Variants in RANBP2 observed in about 807,000 individuals in gnomAD.
RANBP2 encodes E3 SUMO-protein ligase RanBP2.
RANBP2 carries 57 observed loss-of-function variants against 303.6 expected under a neutral mutation model. That is an observed-to-expected ratio of 0.19 (90% CI 0.15 to 0.23). The LOEUF is 0.23. Among genes scored for constraint, RANBP2 ranks in the 10% least tolerant of loss-of-function variants. The probability of loss-of-function intolerance (pLI) is 1.00; values close to 1 mark genes in which losing one functional copy is unlikely to be tolerated. For missense variants in RANBP2, 3,138 were observed against 3,780.8 expected (o/e 0.83, Z 4.46); for synonymous variants, 1,167 against 1,301.5 (o/e 0.90, Z 2.23).
At chr2:109,424,910 G>A in the RANBP2 span, among the ~76,000 whole-genome samples, 1 of 152,204 alleles carries the variant, frequency 6.6e-6, no homozygotes, top group South Asian at 2.1e-4. Context: ...AGTTAGAAAT[G>A]ATTAAGCTTG....
At chr2:109,096,687 T>C in the RANBP2 span, among the ~76,000 whole-genome samples, 16 of 152,186 alleles carry the variant, frequency 1.1e-4, no homozygotes, top group African/African-American at 3.4e-4. Context: ...ACTGAACTAA[T>C]AGAAAATTGA....
At chr2:109,650,767 C>T in the RANBP2 span, among the ~76,000 whole-genome samples, 1 of 152,300 alleles carries the variant, frequency 6.6e-6, no homozygotes, top group East Asian at 1.9e-4. Flanking sequence ...TGCCACCATG[C>T]TAAACGTGCC....
chr2:109,725,123 G>A, the RANBP2 span, among the ~76,000 whole-genome samples: 1 of 152,238 alleles, frequency 6.6e-6, no homozygotes, highest in African/African-American at 2.4e-5. Context: ...TGCAGTGACA[G>A]AACAGACCAA....
At chr2:108,891,953 C>T in the RANBP2 span, among the ~76,000 whole-genome samples, 1 of 152,240 alleles carries the variant, frequency 6.6e-6, no homozygotes, top group Admixed American at 6.5e-5. Flanking sequence ...TTGAATTGCA[C>T]AGTTCCCAGG....
chr2:109,123,038 T>C, the RANBP2 span, among the ~76,000 whole-genome samples: 1 of 152,214 alleles, frequency 6.6e-6, no homozygotes, highest in East Asian at 1.9e-4. Flanking sequence ...CTTGAACTCA[T>C]GCCTGGTGGA....
the RANBP2 span, among the ~76,000 whole-genome samples, chr2:109,441,132 CAAA>C: frequency 1.5e-5 from 2 of 134,034 alleles, no homozygotes; most frequent in South Asian, 2.4e-4. Context: ...TATAGGAATA[CAAA>C]AAAAAAAAAA....
At chr2:108,865,029 CT>C in the RANBP2 span, among the ~76,000 whole-genome samples, 3 of 152,036 alleles carry the variant, frequency 2.0e-5, no homozygotes, top group African/African-American at 7.2e-5. Context: ...AAAAGTCTGC[CT>C]TCAGTTACTG....
At chr2:109,736,142 G>A in the RANBP2 span, among the ~76,000 whole-genome samples, 1 of 152,226 alleles carries the variant, frequency 6.6e-6, no homozygotes, top group Non-Finnish European at 1.5e-5. Context: ...AATTTCGGAA[G>A]GGCACCACAA....
the RANBP2 span, among the ~76,000 whole-genome samples, chr2:109,033,724 G>A: frequency 5.3e-4 from 81 of 151,772 alleles, no homozygotes; most frequent in African/African-American, 1.9e-3. Flanking sequence ...AGGCTGAGGC[G>A]GGTGGATCAT....
the RANBP2 span, among the ~76,000 whole-genome samples, chr2:109,089,568 C>A: frequency 6.6e-6 from 1 of 152,052 alleles, no homozygotes; most frequent in African/African-American, 2.4e-5. Context: ...ATGGCACTAC[C>A]GCACTCCAGC....
At chr2:109,692,696 A>G in the RANBP2 span, among the ~76,000 whole-genome samples, 1 of 152,184 alleles carries the variant, frequency 6.6e-6, no homozygotes, top group Non-Finnish European at 1.5e-5. Flanking sequence ...GTTTCCCAAG[A>G]AGCAGCTAAG....
chr2:109,170,285 T>TCC, the RANBP2 span, among the ~76,000 whole-genome samples: 1 of 127,010 alleles, frequency 7.9e-6, no homozygotes, highest in Non-Finnish European at 1.7e-5. Flanking sequence ...TTCTCTTCTC[T>TCC]TCTCTTCTCT....
At chr2:109,716,758 A>G in the RANBP2 span, among the ~76,000 whole-genome samples, 8 of 152,058 alleles carry the variant, frequency 5.3e-5, 1 homozygote, top group Admixed American at 3.9e-4. Context: ...TATGTTGCCT[A>G]GGCTGATGTC....
At chr2:109,214,474 A>C in the RANBP2 span, among the ~76,000 whole-genome samples, 2 of 119,906 alleles carry the variant, frequency 1.7e-5, no homozygotes, top group Non-Finnish European at 3.6e-5. Flanking sequence ...TAGAAAAGAG[A>C]AAAAAAAAAA....
chr2:109,245,991 A>C, the RANBP2 span, among the ~76,000 whole-genome samples: 1 of 152,212 alleles, frequency 6.6e-6, no homozygotes, highest in African/African-American at 2.4e-5. Flanking sequence ...TTCACAAAAA[A>C]CCAGTGTGGT....
intron 24 of RANBP2, among the ~76,000 whole-genome samples, chr2:108,776,492 G>A (rs1558937263): frequency 6.6e-6 from 1 of 152,084 alleles, no homozygotes; most frequent in Non-Finnish European, 1.5e-5. Context: ...ATTGCTTTGT[G>A]TACCTTACCT....
the RANBP2 span, among the ~76,000 whole-genome samples, chr2:108,855,500 A>AG: frequency 6.6e-6 from 1 of 151,970 alleles, no homozygotes; most frequent in Admixed American, 6.6e-5. Flanking sequence ...AAAAAAAAAA[A>AG]GGATGTTTCT....
At chr2:109,562,622 C>A in the RANBP2 span, among the ~76,000 whole-genome samples, 3 of 152,258 alleles carry the variant, frequency 2.0e-5, no homozygotes, top group South Asian at 4.1e-4. Flanking sequence ...GATGACTCCA[C>A]CAGACACCTA....
At chr2:109,143,856 A>G in the RANBP2 span, among the ~76,000 whole-genome samples, 3 of 152,176 alleles carry the variant, frequency 2.0e-5, no homozygotes, top group Non-Finnish European at 4.4e-5. Flanking sequence ...ACAATGGAAT[A>G]TTATTCAATC....
Sources: gnomAD v4.1 joint callset for allele counts (sites outside exome capture counted in the v4.1 genomes callset) on GRCh38, gnomAD v4.1.1 for gene constraint, MANE v1.5 for transcripts, NCBI Gene and HGNC (gene_info 2026-07-23, HGNC 2026-07-21) for gene names.